Variants in PTPRM observed in about 807,000 individuals in gnomAD.
The protein encoded by PTPRM is protein tyrosine phosphatase receptor type M, also known as receptor-type tyrosine-protein phosphatase mu.
A neutral mutation model predicts 186.7 loss-of-function variants in PTPRM; 47 were observed. The ratio of observed to expected loss-of-function variants is 0.25; its 90% CI spans 0.20 to 0.32. PTPRM has a LOEUF of 0.32. Among genes scored for constraint, PTPRM ranks in the 10% least tolerant of loss-of-function variants. The pLI, the probability that PTPRM is intolerant of heterozygous loss-of-function variation, is 1.00. For synonymous variants in PTPRM, 668 were observed against 674.9 expected (o/e 0.99, Z 0.16); for missense variants, 1,494 against 1,865.0 (o/e 0.80, Z 3.66).
intron 8 of PTPRM, among the ~76,000 whole-genome samples, chr18:8,075,167 A>G (rs1358713926): frequency 2.0e-5 from 3 of 152,154 alleles, no homozygotes; most frequent in African/African-American, 7.2e-5. Context: ...TCCTCATTAA[A>G]TGTTCCCAGT....
intron 2 of PTPRM, among the ~76,000 whole-genome samples, chr18:7,781,410 A>T (rs757236189): frequency 1.6e-4 from 25 of 152,238 alleles, no homozygotes; most frequent in Non-Finnish European, 1.5e-5. Flanking sequence ...GTTGTAAAAA[A>T]TTAATGTTGA....
intron 6 of PTPRM, among the ~76,000 whole-genome samples, chr18:7,951,164 T>C (rs971149273): frequency 1.3e-5 from 2 of 152,200 alleles, no homozygotes; most frequent in Non-Finnish European, 2.9e-5. Context: ...CTAAGATTCT[T>C]CCCTGCTGTA....
rs144287193 is a variant in PTPRM, at chr18:8,003,814, C to A, written c.1132+48400C>A. ...ATTACATACAAGCTGGCATTCCTTA[C>A]CTGCTCTCCTAGTGTTGCCTCTTGG... is the stretch of plus-strand genomic sequence containing the variant. On this transcript the variant is annotated intron_variant, in intron 7 of 32. Coordinates refer to ENST00000580170, the MANE Select transcript of PTPRM (RefSeq NM_001105244.2). 2.0e-3 allele frequency among the ~76,000 whole-genome samples: 311 copies of A among 152,348 alleles called. 3 individuals are homozygous for A. The highest frequency in any genetic ancestry group is 7.0e-3 in the African/African-American group (290 of 41,582).
chr18:8,256,903 T>C (rs1169981916), intron 19 of PTPRM, among the ~76,000 whole-genome samples: 1 of 152,228 alleles, frequency 6.6e-6, no homozygotes, highest in African/African-American at 2.4e-5. Flanking sequence ...AAAAAATTAT[T>C]GGTTGCTGCA....
At chr18:7,776,293 C>T (rs1298493909) in intron 2 of PTPRM, among the ~76,000 whole-genome samples, 3 of 151,878 alleles carry the variant, frequency 2.0e-5, no homozygotes, top group Admixed American at 6.6e-5. Context: ...TGTTTTGGAC[C>T]CTCACCCCCA....
chr18:7,906,834 A>G (rs956173296), intron 4 of PTPRM, among the ~76,000 whole-genome samples: 3 of 152,220 alleles, frequency 2.0e-5, no homozygotes, highest in Non-Finnish European at 2.9e-5. Context: ...ATGCTCAGAC[A>G]TCTTTGCAAA....
chr18:7,841,667 C>T (rs988675610), intron 2 of PTPRM, among the ~76,000 whole-genome samples: 12 of 152,094 alleles, frequency 7.9e-5, no homozygotes, highest in South Asian at 6.2e-4. Flanking sequence ...TCTGGCACCA[C>T]GGTTGCTTAA....
At chr18:7,572,320 C>A (rs2036583949) in intron 1 of PTPRM, among the ~76,000 whole-genome samples, 1 of 152,076 alleles carries the variant, frequency 6.6e-6, no homozygotes, top group South Asian at 2.1e-4. Flanking sequence ...TGAATTATGT[C>A]TTCAGATTAT....
chr18:7,876,343 G>C (rs1055391705), intron 2 of PTPRM, among the ~76,000 whole-genome samples: 1 of 152,044 alleles, frequency 6.6e-6, no homozygotes, highest in African/African-American at 2.4e-5. Context: ...AGGTCATTTA[G>C]ATATTGTTTG....
At chr18:8,240,779 A>G (rs542907071) in intron 14 of PTPRM, among the ~76,000 whole-genome samples, 2,180 of 29,546 alleles carry the variant, frequency 0.074, 88 homozygotes, top group African/African-American at 0.3. Context: ...AGAGAGAGGG[A>G]GAGAGAGAGA....
chr18:7,980,439 T>C (rs1178748480), intron 7 of PTPRM, among the ~76,000 whole-genome samples: 1 of 152,016 alleles, frequency 6.6e-6, no homozygotes, highest in Non-Finnish European at 1.5e-5. Context: ...CAGGCTGGAG[T>C]GCAGTGGTGA....
chr18:7,625,231 T>C (rs1399680612), intron 1 of PTPRM, among the ~76,000 whole-genome samples: 6 of 152,224 alleles, frequency 3.9e-5, no homozygotes, highest in Non-Finnish European at 5.9e-5. Context: ...TGTTTCTTGA[T>C]AGGAAAGTAG....
At chr18:7,873,376 A>G (rs968290953) in intron 2 of PTPRM, among the ~76,000 whole-genome samples, 2 of 152,318 alleles carry the variant, frequency 1.3e-5, no homozygotes, top group African/African-American at 4.8e-5. Context: ...CCTTGATTAT[A>G]TGTTAGACTA....
At chr18:8,122,139 A>C (rs1267087840) in intron 13 of PTPRM, 1 of 151,994 alleles carries the variant, frequency 6.6e-6, no homozygotes, top group Non-Finnish European at 1.5e-5. Flanking sequence ...AACAAAGTTG[A>C]GACAATTTGA....
intron 7 of PTPRM, among the ~76,000 whole-genome samples, chr18:8,024,681 CT>C (rs397724573): frequency 1.5e-3 from 191 of 124,798 alleles, no homozygotes; most frequent in Middle Eastern, 4.3e-3. Flanking sequence ...AAACCCAAAT[CT>C]TTTTTTTTTT....
chr18:7,595,253 G>A lies in PTPRM; in HGVS notation c.73+27362G>A, dbSNP rs147876654. 2.6e-5 allele frequency among the ~76,000 whole-genome samples: 4 copies of A among 152,296 alleles called. No homozygotes were observed. The East Asian group carries it at 7.7e-4, about 29-fold the overall frequency. On this transcript the variant is annotated intron_variant, in intron 1 of 32. Coordinates refer to ENST00000580170, the MANE Select transcript of PTPRM (RefSeq NM_001105244.2). ...AGCATGCCTGGAGTATTTTGGAACA[G>A]GTATTGTGTGGGGAGCCATTATGAC... is the stretch of plus-strand genomic sequence containing the variant.
At chr18:7,849,794 G>T (rs2046777289) in intron 2 of PTPRM, among the ~76,000 whole-genome samples, 1 of 152,142 alleles carries the variant, frequency 6.6e-6, no homozygotes, top group South Asian at 2.1e-4. Context: ...ATGAGAGGGG[G>T]AGGCAGTCAC....
Position 8,296,352 on chromosome 18 carries a change from C to G in PTPRM, c.2755-16C>G, listed in dbSNP as rs373610072. 1 of 1,544,732 alleles carries G rather than the reference C, an allele frequency of 6.5e-7. No homozygotes were observed. Among genetic ancestry groups the G allele is most frequent in the African/African-American group, 1.4e-5 (1 of 73,594 alleles). ...ACTGCGCCAAATTGTAATTCTCAGT[C>G]TCACTTTCCTTCTAGAGCTTCTTTG... On this transcript the variant is annotated splice_polypyrimidine_tract_variant and intron_variant, in intron 19 of 32. Coordinates refer to ENST00000580170, the MANE Select transcript of PTPRM (RefSeq NM_001105244.2).
intron 22 of PTPRM, among the ~76,000 whole-genome samples, chr18:8,331,182 G>A (rs2095410514): frequency 6.6e-6 from 1 of 152,190 alleles, no homozygotes; most frequent in African/African-American, 2.4e-5. Context: ...GATTCTAGAA[G>A]AGGACTGAAT....
Sources: gnomAD v4.1 joint callset for allele counts (sites outside exome capture counted in the v4.1 genomes callset) on GRCh38, gnomAD v4.1.1 for gene constraint, MANE v1.5 for transcripts, NCBI Gene and HGNC (gene_info 2026-07-23, HGNC 2026-07-21) for gene names.